FALEC: variants seen among roughly 807,000 people sequenced by gnomAD.
The protein encoded by FALEC is focally amplified lncRNA regulator of ECM1, also known as focally amplified lncRNA on chromosome 1.
chr1:150,533,823 A>G, the FALEC span, among the ~76,000 whole-genome samples: 14 of 152,198 alleles, frequency 9.2e-5, no homozygotes, highest in Non-Finnish European at 1.5e-4. Flanking sequence ...CAAAAAAGAT[A>G]GAAAAAGGTG....
the FALEC span, among the ~76,000 whole-genome samples, chr1:150,529,038 A>AAAAAAAAAAAAAAAAAAAAG: frequency 6.6e-6 from 1 of 150,930 alleles, no homozygotes; most frequent in African/African-American, 2.4e-5. Context: ...AAAAAAAAAA[A>AAAAAAAAAAAAAAAAAAAAG]ATCAAAGGAT....
At chr1:150,531,688 T>G in the FALEC span, among the ~76,000 whole-genome samples, 10 of 152,202 alleles carry the variant, frequency 6.6e-5, no homozygotes, top group African/African-American at 2.4e-4. Context: ...ATTTGATTAG[T>G]AACTGACAGT....
the FALEC span, among the ~76,000 whole-genome samples, chr1:150,530,287 G>T: frequency 6.6e-6 from 1 of 152,122 alleles, no homozygotes; most frequent in Non-Finnish European, 1.5e-5. Context: ...GTAACGGCTG[G>T]GTACTTACTA....
At chr1:150,525,049 C>A in the FALEC span, among the ~76,000 whole-genome samples, 2 of 149,526 alleles carry the variant, frequency 1.3e-5, no homozygotes, top group Admixed American at 1.3e-4. Flanking sequence ...GTAATTCCAG[C>A]ACTGTGGGAG....
chr1:150,519,732 C>T (rs2101454699), downstream of FALEC, among the ~76,000 whole-genome samples: 1 of 152,200 alleles, frequency 6.6e-6, no homozygotes, highest in Middle Eastern at 3.4e-3. Flanking sequence ...TGGTGGGCGC[C>T]TGTAATCCCA....
At chr1:150,517,992 C>G (rs1419169230) in exon 2 of FALEC, 1 of 152,130 alleles carries the variant, frequency 6.6e-6, no homozygotes, top group Non-Finnish European at 1.5e-5. Context: ...TATTTCTGCA[C>G]TCTACACTAG....
At chr1:150,523,983 A>G in the FALEC span, among the ~76,000 whole-genome samples, 17 of 152,270 alleles carry the variant, frequency 1.1e-4, no homozygotes, top group African/African-American at 3.9e-4. Flanking sequence ...ATTAACAGGA[A>G]GAAACAAGCA....
the FALEC span, among the ~76,000 whole-genome samples, chr1:150,530,719 G>C: frequency 6.6e-6 from 1 of 152,214 alleles, no homozygotes; most frequent in Non-Finnish European, 1.5e-5. Flanking sequence ...AAGAGAGCGA[G>C]TGACCAAACG....
At chr1:150,534,624 A>C in the FALEC span, among the ~76,000 whole-genome samples, 2 of 152,092 alleles carry the variant, frequency 1.3e-5, no homozygotes, top group African/African-American at 2.4e-5. Flanking sequence ...TGGGCGGATC[A>C]TGAGGTCAGG....
downstream of FALEC, among the ~76,000 whole-genome samples, chr1:150,520,707 C>T (rs1200624295): frequency 1.3e-5 from 2 of 150,692 alleles, no homozygotes; most frequent in Non-Finnish European, 3.0e-5. Flanking sequence ...ATTTTTTGTG[C>T]ATGTCTGACT....
chr1:150,522,945 G>A (rs1399558732), downstream of FALEC, among the ~76,000 whole-genome samples: 2 of 8,690 alleles, frequency 2.3e-4, no homozygotes, highest in African/African-American at 1.1e-3. Context: ...GTGTGTGTGT[G>A]TGTGTATATA....
chr1:150,523,651 C>CAAA, the FALEC span, among the ~76,000 whole-genome samples: 1 of 109,016 alleles, frequency 9.2e-6, no homozygotes, highest in Admixed American at 1.0e-4. Flanking sequence ...GAGACTCCGT[C>CAAA]AAAAAAAAAA....
At chr1:150,526,834 C>T in the FALEC span, among the ~76,000 whole-genome samples, 6 of 151,552 alleles carry the variant, frequency 4.0e-5, no homozygotes, top group African/African-American at 1.5e-4. Context: ...TGGGGTTTCA[C>T]CATGTTAGCC....
the FALEC span, among the ~76,000 whole-genome samples, chr1:150,532,592 T>C: frequency 6.6e-6 from 1 of 152,108 alleles, no homozygotes; most frequent in African/African-American, 2.4e-5. Flanking sequence ...CCCGCCTTGG[T>C]GGGACAGAGA....
downstream of FALEC, among the ~76,000 whole-genome samples, chr1:150,522,977 A>AT (rs1560270892): frequency 4.2e-5 from 1 of 24,078 alleles, no homozygotes; most frequent in Non-Finnish European, 7.5e-5. Flanking sequence ...ATATATATAT[A>AT]TATATATTTT....
the FALEC span, among the ~76,000 whole-genome samples, chr1:150,524,150 T>A: frequency 1.4e-4 from 22 of 152,326 alleles, no homozygotes; most frequent in Middle Eastern, 3.4e-3. Flanking sequence ...TTAATTTTTT[T>A]ATTTTTAATT....
At chr1:150,529,916 G>T in the FALEC span, among the ~76,000 whole-genome samples, 1 of 152,008 alleles carries the variant, frequency 6.6e-6, no homozygotes, top group South Asian at 2.1e-4. Context: ...CTTAAAGTAT[G>T]CAAAATGCGG....
chr1:150,522,878 T>C (rs773992875), downstream of FALEC, among the ~76,000 whole-genome samples: 434 of 92,838 alleles, frequency 4.7e-3, 3 homozygotes, highest in Admixed American at 7.9e-3. Context: ...TATATATACA[T>C]ATATATATAC....
the FALEC span, among the ~76,000 whole-genome samples, chr1:150,525,072 G>A: frequency 6.6e-6 from 1 of 151,678 alleles, no homozygotes; most frequent in Non-Finnish European, 1.5e-5. Flanking sequence ...CGAGGCAGGC[G>A]GATCACGAGG....
Sources: gnomAD v4.1 joint callset for allele counts (sites outside exome capture counted in the v4.1 genomes callset) on GRCh38, gnomAD v4.1.1 for gene constraint, MANE v1.5 for transcripts, NCBI Gene and HGNC (gene_info 2026-07-23, HGNC 2026-07-21) for gene names.